Variants in NYAP2 observed in about 807,000 individuals in gnomAD.
NYAP2 encodes the protein neuronal tyrosine-phosphorylated phosphoinositide-3-kinase adapter 2.
A neutral mutation model predicts 50.4 loss-of-function variants in NYAP2; 23 were observed. That is an observed-to-expected ratio of 0.46 (90% confidence interval 0.33 to 0.65). The LOEUF (loss-of-function observed/expected upper bound fraction) is 0.65, where lower values mean the gene tolerates loss of function less well. Among genes scored for constraint, NYAP2 ranks in the 30% least tolerant of loss-of-function variants. The probability of loss-of-function intolerance (pLI) is 0.02; values close to 1 mark genes in which losing one functional copy is unlikely to be tolerated. For missense variants in NYAP2, 885 were observed against 861.0 expected, an observed-to-expected ratio of 1.03 and a Z score of -0.35; for synonymous variants, 394 against 365.2, an observed-to-expected ratio of 1.08 and a Z score of -0.90.
intron 4 of NYAP2, among the ~76,000 whole-genome samples, chr2:225,554,536 C>T (rs540836092): frequency 5.0e-4 from 76 of 152,024 alleles, no homozygotes; most frequent in African/African-American, 1.8e-3. Context: ...GTTGGTCGGG[C>T]TGATCTTGAT....
chr2:225,404,053 G>A (rs1267656087), intron 2 of NYAP2, among the ~76,000 whole-genome samples: 1 of 151,956 alleles, frequency 6.6e-6, no homozygotes, highest in Non-Finnish European at 1.5e-5. Context: ...TTAATCGAAA[G>A]CCCTCTATAC....
intron 5 of NYAP2, among the ~76,000 whole-genome samples, chr2:225,621,721 T>TA (rs1274100451): frequency 6.6e-6 from 1 of 152,098 alleles, no homozygotes; most frequent in Non-Finnish European, 1.5e-5. Flanking sequence ...ATTTTTTTTT[T>TA]AATTATACTT....
At chr2:225,675,273 C>A in the NYAP2 span, among the ~76,000 whole-genome samples, 3 of 152,062 alleles carry the variant, frequency 2.0e-5, no homozygotes. Flanking sequence ...ATGGGCATTT[C>A]TTCAGCTCAC....
intron 4 of NYAP2, among the ~76,000 whole-genome samples, chr2:225,530,591 C>A (rs1016259945): frequency 1.3e-5 from 2 of 152,138 alleles, no homozygotes; most frequent in Admixed American, 1.3e-4. Context: ...TGTTGTTTTG[C>A]CTGATTCTTA....
At chr2:225,583,117 GCA>G (rs1692328602) in intron 5 of NYAP2, 82 bp downstream of exon 5, 1 of 1,480,988 alleles carries the variant, frequency 6.8e-7, no homozygotes, top group Non-Finnish European at 9.0e-7. Context: ...TGCAGATAAC[GCA>G]CAGAGTACGG....
intron 3 of NYAP2, among the ~76,000 whole-genome samples, chr2:225,475,805 A>G (rs536760724): frequency 6.6e-6 from 1 of 152,308 alleles, no homozygotes; most frequent in East Asian, 1.9e-4. Flanking sequence ...ACTGACAAAT[A>G]TACTTGTTTC....
chr2:225,430,520 T>A (rs1017177440), intron 3 of NYAP2, among the ~76,000 whole-genome samples: 1 of 152,192 alleles, frequency 6.6e-6, no homozygotes, highest in African/African-American at 2.4e-5. Context: ...ACCACTAACA[T>A]CTACCACACA....
intron 5 of NYAP2, among the ~76,000 whole-genome samples, chr2:225,625,233 T>C (rs1200451911): frequency 1.3e-5 from 2 of 152,132 alleles, no homozygotes; most frequent in Non-Finnish European, 2.9e-5. Context: ...GATTTTCCAG[T>C]TCCATCAGGA....
intron 4 of NYAP2, among the ~76,000 whole-genome samples, chr2:225,562,843 C>T (rs1691899053): frequency 6.6e-6 from 1 of 152,122 alleles, no homozygotes; most frequent in South Asian, 2.1e-4. Flanking sequence ...AAATTGCCAG[C>T]TTAGCTCGGG....
the NYAP2 span, among the ~76,000 whole-genome samples, chr2:225,665,823 A>C: frequency 6.9e-6 from 1 of 145,816 alleles, no homozygotes; most frequent in Admixed American, 6.9e-5. Flanking sequence ...AAAAAAAAAA[A>C]AAAAAAAAAA....
In NYAP2 at chr2:225,479,122, A is replaced by G. The variant is rs528581803; in HGVS notation, c.222-34249A>G. On this transcript the variant is annotated intron_variant, in intron 3 of 6. Coordinates refer to ENST00000636099, the Ensembl canonical transcript of NYAP2. ...CAGTCAACGAGTGGGAGCCAATGGA[A>G]AAAACAATAGGAAAAGATTGAAAAA... Among the ~76,000 whole-genome samples, 17 of 152,330 alleles carry G rather than the reference A, an allele frequency of 1.1e-4. No homozygotes were observed. In the Middle Eastern group the frequency reaches 0.01, roughly 91 times the overall value.
intron 3 of NYAP2, among the ~76,000 whole-genome samples, chr2:225,482,734 T>A (rs1690227236): frequency 6.6e-6 from 1 of 152,160 alleles, no homozygotes; most frequent in Admixed American, 6.6e-5. Context: ...GATCATTAAG[T>A]TTCCTCTTCT....
At chr2:225,613,637 A>C (rs1372803155) in intron 5 of NYAP2, among the ~76,000 whole-genome samples, 1 of 152,214 alleles carries the variant, frequency 6.6e-6, no homozygotes, top group African/African-American at 2.4e-5. Context: ...TGGTAGCTCT[A>C]ATAACAGTGT....
chr2:225,520,272 T>G (rs1354582926), intron 4 of NYAP2, among the ~76,000 whole-genome samples: 2 of 152,108 alleles, frequency 1.3e-5, no homozygotes, highest in Non-Finnish European at 2.9e-5. Flanking sequence ...AGCTCTTTAG[T>G]TTAATTAGAT....
downstream of NYAP2, among the ~76,000 whole-genome samples, chr2:225,656,808 C>A (rs187728188): frequency 1.3e-5 from 2 of 152,092 alleles, no homozygotes; most frequent in Non-Finnish European, 2.9e-5. Flanking sequence ...CAATGCCCAG[C>A]GCAAAGTGAG....
At chr2:225,517,069 CA>C (rs149809493) in intron 4 of NYAP2, among the ~76,000 whole-genome samples, 6 of 149,472 alleles carry the variant, frequency 4.0e-5, no homozygotes, top group Non-Finnish European at 6.0e-5. Context: ...TGAGCACAAA[CA>C]AAAAAAAATC....
chr2:225,664,077 C>G, the NYAP2 span, among the ~76,000 whole-genome samples: 1 of 152,266 alleles, frequency 6.6e-6, no homozygotes, highest in East Asian at 1.9e-4. Flanking sequence ...CATGAAAGGC[C>G]TTATTTTTGC....
At chr2:225,602,239 G>A (rs1468876386) in intron 5 of NYAP2, among the ~76,000 whole-genome samples, 1 of 152,126 alleles carries the variant, frequency 6.6e-6, no homozygotes, top group African/African-American at 2.4e-5. Context: ...ACCAATCAGG[G>A]GCTGAAGTGA....
At chr2:225,439,658 C>T (rs984063429) in intron 3 of NYAP2, among the ~76,000 whole-genome samples, 2 of 152,116 alleles carry the variant, frequency 1.3e-5, no homozygotes, top group East Asian at 1.9e-4. Context: ...ACAACAGTGA[C>T]CCACATTCCC....
Sources: allele counts gnomAD v4.1 joint callset (sites outside exome capture counted in the v4.1 genomes callset), GRCh38; gene constraint gnomAD v4.1.1; transcripts MANE v1.5; gene names NCBI Gene and HGNC (gene_info 2026-07-23, HGNC 2026-07-21).